Variants in CTNNBL1 observed in about 807,000 individuals in gnomAD.
CTNNBL1 encodes catenin beta like 1.
CTNNBL1 carries 31 observed loss-of-function variants against 72.7 expected under a neutral mutation model. The observed-to-expected ratio is 0.43, with a 90% CI of 0.32 to 0.58. CTNNBL1 has a LOEUF of 0.58. Among genes scored for constraint, CTNNBL1 ranks in the 20% least tolerant of loss-of-function variants. The probability of loss-of-function intolerance (pLI) is 0.08; values close to 1 mark genes in which losing one functional copy is unlikely to be tolerated. For missense variants in CTNNBL1, 534 were observed against 725.1 expected, an observed-to-expected ratio of 0.74 and a Z score of 3.03; for synonymous variants, 240 against 267.3, an observed-to-expected ratio of 0.90 and a Z score of 1.00.
chr20:37,793,657 G>A (rs2073745425), intron 10 of CTNNBL1, among the ~76,000 whole-genome samples: 1 of 152,150 alleles, frequency 6.6e-6, no homozygotes, highest in Non-Finnish European at 1.5e-5. Flanking sequence ...AACCTTATAG[G>A]AGTGAACTTC....
chr20:37,709,389 TA>T (rs1248073429), intron 1 of CTNNBL1, among the ~76,000 whole-genome samples: 1 of 152,214 alleles, frequency 6.6e-6, no homozygotes, highest in Non-Finnish European at 1.5e-5. Context: ...CATCTCAGTT[TA>T]AATTTTCTTT....
chr20:37,858,358 T>G (rs1341656838), intron 13 of CTNNBL1, among the ~76,000 whole-genome samples: 5 of 152,330 alleles, frequency 3.3e-5, no homozygotes, highest in Middle Eastern at 3.4e-3. Flanking sequence ...GAAGTCAGTA[T>G]GAAGATGATG....
chr20:37,706,830 C>G (rs2072889834), intron 1 of CTNNBL1, among the ~76,000 whole-genome samples: 1 of 152,176 alleles, frequency 6.6e-6, no homozygotes, highest in Non-Finnish European at 1.5e-5. Flanking sequence ...CTTATGAATG[C>G]ATTTCTTAAA....
Position 37,802,522 on chromosome 20 carries a change from T to A in CTNNBL1, c.1032-345T>A, listed in dbSNP as rs376045558. ...AGTATGCGAATTGTCTCAATAAAGC[T>A]GTTAAAAAGAAAGAAAAATGAATAA... is the stretch of plus-strand genomic sequence containing the variant. On this transcript the variant is annotated intron_variant, in intron 10 of 15. Transcript: ENST00000361383. 1.2e-4 allele frequency among the ~76,000 whole-genome samples: 19 copies of A among 152,302 alleles called. No homozygotes were observed. In the South Asian group the frequency reaches 3.7e-3, roughly 30 times the overall value.
chr20:37,856,454 G>A (rs537086287), intron 13 of CTNNBL1, among the ~76,000 whole-genome samples: 20 of 152,036 alleles, frequency 1.3e-4, no homozygotes, highest in African/African-American at 3.1e-4. Context: ...GGCACATCAC[G>A]TTGTAGACTT....
chr20:37,716,222 A>G (rs1432017326), intron 1 of CTNNBL1, among the ~76,000 whole-genome samples: 1 of 152,226 alleles, frequency 6.6e-6, no homozygotes, highest in Non-Finnish European at 1.5e-5. Flanking sequence ...TGTGCTTGCT[A>G]GGAAATTGAG....
At chr20:37,770,006 A>G (rs2073508112) in intron 7 of CTNNBL1, among the ~76,000 whole-genome samples, 1 of 152,176 alleles carries the variant, frequency 6.6e-6, no homozygotes, top group Non-Finnish European at 1.5e-5. Context: ...TACATAACAT[A>G]TTGGCCCAAG....
chr20:37,864,465 C>G (rs555072938), intron 15 of CTNNBL1, among the ~76,000 whole-genome samples: 1 of 152,100 alleles, frequency 6.6e-6, no homozygotes, highest in South Asian at 2.1e-4. Flanking sequence ...GGACTTTTCC[C>G]GTTATTTTTC....
chr20:37,739,515 A>C (rs2073196932), intron 3 of CTNNBL1, among the ~76,000 whole-genome samples: 1 of 152,202 alleles, frequency 6.6e-6, no homozygotes, highest in African/African-American at 2.4e-5. Flanking sequence ...CTTTGTGTGC[A>C]TATATTTCCA....
chr20:37,764,987 G>A (rs1223127599), intron 5 of CTNNBL1, among the ~76,000 whole-genome samples: 2 of 152,202 alleles, frequency 1.3e-5, no homozygotes, highest in South Asian at 2.1e-4. Context: ...TCTGAAGTTA[G>A]AGATAATGAT....
intron 11 of CTNNBL1, among the ~76,000 whole-genome samples, chr20:37,815,420 C>G (rs2072047871): frequency 1.3e-5 from 2 of 151,432 alleles, no homozygotes; most frequent in Non-Finnish European, 2.9e-5. Flanking sequence ...TGGGTTCAAG[C>G]GATTCTCCTG....
intron 10 of CTNNBL1, among the ~76,000 whole-genome samples, chr20:37,801,851 G>C (rs1433211895): frequency 2.0e-5 from 3 of 152,202 alleles, no homozygotes; most frequent in Non-Finnish European, 4.4e-5. Context: ...GTTCTAGCCA[G>C]GGCGATTAGG....
chr20:37,694,464 C>CA (rs1491266554), intron 1 of CTNNBL1, among the ~76,000 whole-genome samples: 1 of 152,136 alleles, frequency 6.6e-6, no homozygotes, highest in Non-Finnish European at 1.5e-5. Flanking sequence ...CATGTCCCCC[C>CA]AGTCATTGAG....
intron 11 of CTNNBL1, among the ~76,000 whole-genome samples, chr20:37,823,177 A>G (rs1287560134): frequency 2.6e-5 from 4 of 152,194 alleles, no homozygotes. Flanking sequence ...GTCCTGAAGC[A>G]TTTTCACTAC....
chr20:37,751,965 T>G (rs1300041762), intron 4 of CTNNBL1, among the ~76,000 whole-genome samples: 1 of 152,266 alleles, frequency 6.6e-6, no homozygotes, highest in African/African-American at 2.4e-5. Context: ...GATAAGCCAC[T>G]TATTTTTTGG....
chr20:37,769,948 A>G (rs185104196), intron 7 of CTNNBL1, among the ~76,000 whole-genome samples: 65 of 152,266 alleles, frequency 4.3e-4, no homozygotes, highest in Admixed American at 4.3e-3. Flanking sequence ...GTCTTCTCCA[A>G]TCCTACTTAT....
intron 4 of CTNNBL1, among the ~76,000 whole-genome samples, chr20:37,754,811 CTTTT>C (rs80278923): frequency 6.9e-6 from 1 of 144,640 alleles, no homozygotes; most frequent in Admixed American, 6.9e-5. Flanking sequence ...CTTTAGATAA[CTTTT>C]TTTTTTTTTT....
chr20:37,791,689 A>G (rs562098606), intron 10 of CTNNBL1, among the ~76,000 whole-genome samples: 87 of 152,352 alleles, frequency 5.7e-4, no homozygotes, highest in South Asian at 1.0e-3. Flanking sequence ...TCTGCCTCCT[A>G]TAAGGTCAGC....
intron 13 of CTNNBL1, among the ~76,000 whole-genome samples, chr20:37,846,882 C>T (rs1310761383): frequency 6.6e-6 from 1 of 152,158 alleles, no homozygotes; most frequent in Non-Finnish European, 1.5e-5. Context: ...GCCCTATCTC[C>T]CTAGCTGCTT....
Sources: allele counts gnomAD v4.1 joint callset (sites outside exome capture counted in the v4.1 genomes callset), GRCh38; gene constraint gnomAD v4.1.1; transcripts MANE v1.5; gene names NCBI Gene and HGNC (gene_info 2026-07-23, HGNC 2026-07-21).